The following CDKL2 variants were observed in gnomAD, a reference collection of about 807,000 sequenced individuals.
CDKL2 encodes the protein cyclin dependent kinase like 2, also known as cyclin-dependent kinase-like 2.
Under a neutral mutation model 63.9 loss-of-function variants are expected in CDKL2, and 64 were observed. The ratio of observed to expected loss-of-function variants is 1.00; its 90% CI spans 0.82 to 1.23. The LOEUF (loss-of-function observed/expected upper bound fraction) is 1.23, where lower values mean the gene tolerates loss of function less well. CDKL2 is among the 50% of genes most tolerant of loss of function. The pLI, the probability that CDKL2 is intolerant of heterozygous loss-of-function variation, is 0.00. For missense variants in CDKL2, 656 were observed against 668.0 expected (o/e 0.98, Z 0.20); for synonymous variants, 211 against 229.2 (o/e 0.92, Z 0.72).
chr4:75,615,121 T>G (rs189129861), intron 2 of CDKL2, among the ~76,000 whole-genome samples: 63 of 151,848 alleles, frequency 4.1e-4, no homozygotes, highest in African/African-American at 1.5e-3. Context: ...GCAAAACAAT[T>G]CATTATGAAC....
intron 2 of CDKL2, among the ~76,000 whole-genome samples, chr4:75,620,327 C>T (rs1327020161): frequency 1.3e-5 from 2 of 151,986 alleles, no homozygotes; most frequent in Admixed American, 6.6e-5. Flanking sequence ...GAAACAGATA[C>T]AGAATGACTT....
At position 75,614,353 on chromosome 4, in the gene CDKL2, C is replaced by G. The variant is rs929652133; in HGVS notation, c.265G>C (p.Asp89His). The stretch of plus-strand genomic sequence containing the variant: ...CCATTTGGAAAGAGCTCCAAGTCAT[C>G]AAGAATTGTGTGGTCAACAAATTCA... ...VFEFVDHTIL[D>H]DLELFPNGLD... The change falls in exon 3 of 14, where the codon GAT (aspartate) becomes CAT (histidine). Residue 89 changes from aspartate to histidine, a missense_variant. Coordinates refer to ENST00000307465, the MANE Select transcript of CDKL2 (RefSeq NM_001330724.2). The G allele has an allele frequency of 6.2e-7, 1 of 1,611,264 alleles. No individual in the cohort carries two copies. Among genetic ancestry groups the G allele is most frequent in the Admixed American group, 1.7e-5 (1 of 59,934 alleles).
Position 75,614,466 on chromosome 4 carries a change from C to A in CDKL2, c.169-17G>T. ...CCTAAGTTGCTGTTATTAAAAAATGCAAAATAGCTGTTATTTAAAAATGCA... is the reference window on the plus strand; with the variant it reads ...CCTAAGTTGCTGTTATTAAAAAATGAAAAATAGCTGTTATTTAAAAATGCA... On this transcript the variant is annotated splice_polypyrimidine_tract_variant and intron_variant, in intron 2 of 13. Transcript: ENST00000307465. The A allele has an allele frequency of 6.7e-7, 1 of 1,495,504 alleles. No homozygotes were observed. Among genetic ancestry groups the A allele is most frequent in the Non-Finnish European group, 9.0e-7 (1 of 1,107,878 alleles). The allele number at this position is 1,495,504 out of a possible 1,614,324, so 92.6% of individuals were successfully genotyped here.
intron 3 of CDKL2, among the ~76,000 whole-genome samples, chr4:75,613,377 G>T (rs1308043140): frequency 6.6e-6 from 1 of 152,112 alleles, no homozygotes; most frequent in African/African-American, 2.4e-5. Context: ...AATTTAGGTG[G>T]CAGGTATGTA....
intron 3 of CDKL2, among the ~76,000 whole-genome samples, chr4:75,608,975 C>G (rs1560586837): frequency 7.3e-6 from 1 of 136,682 alleles, no homozygotes; most frequent in Non-Finnish European, 1.5e-5. Context: ...GCCTGGGCAA[C>G]AGAGCGAGAC....
chr4:75,624,229 CTT>C (rs1404472178), intron 2 of CDKL2, among the ~76,000 whole-genome samples: 1 of 151,908 alleles, frequency 6.6e-6, no homozygotes, highest in Non-Finnish European at 1.5e-5. Context: ...TGCATGTACT[CTT>C]ATTAATTTCA....
In CDKL2 at chr4:75,596,285, A is replaced by T; in HGVS notation, c.1378T>A (p.Ser460Thr). 6.2e-7 allele frequency: 1 copy of T among 1,612,544 alleles called. No homozygotes were observed. The highest frequency in any genetic ancestry group is 1.1e-5 in the South Asian group (1 of 91,056). The change falls in exon 10 of 14, where the codon TCC becomes ACC. Residue 460 changes from serine to threonine, a missense_variant. Physicochemically the swap from Ser to Thr is moderately conservative, Grantham distance 58. Coordinates refer to ENST00000307465, the MANE Select transcript of CDKL2 (RefSeq NM_001330724.2). Reference sequence around the variant, plus strand: ...TTAATGTTATAAATGCCTGATGGGGAATGTCTGTTCGGTTTAACAAATGGA... The same window carrying T: ...TTAATGTTATAAATGCCTGATGGGGTATGTCTGTTCGGTTTAACAAATGGA... ...SIPFVKPNRH[S>T]PSGIYNINVT...
chr4:75,582,550 C>G (rs1230259184), intron 12 of CDKL2, among the ~76,000 whole-genome samples: 3 of 151,784 alleles, frequency 2.0e-5, no homozygotes, highest in Non-Finnish European at 4.4e-5. Flanking sequence ...TGAGAAAATA[C>G]TAAATGGTCT....
At chr4:75,585,791 C>T (rs909084914) in intron 12 of CDKL2, among the ~76,000 whole-genome samples, 1 of 151,888 alleles carries the variant, frequency 6.6e-6, no homozygotes, top group Admixed American at 6.6e-5. Flanking sequence ...TTAAAACAAA[C>T]AGATATAAGA....
At chr4:75,605,804 CAA>C (rs376195956) in intron 4 of CDKL2, among the ~76,000 whole-genome samples, 170 bp from the exon 5 acceptor site, 10 of 113,848 alleles carry the variant, frequency 8.8e-5, no homozygotes, top group Non-Finnish European at 9.5e-5. Context: ...TCCCAAAATC[CAA>C]AAAAAAAAAA....
At position 75,603,804 on chromosome 4, in the gene CDKL2, T is replaced by C. The variant is rs751140513; in HGVS notation, c.795+13A>G. On this transcript the variant is annotated intron_variant, in intron 6 of 13. Transcript: ENST00000307465. ...ATTCCCTGTCATAAAGTGTAAACAA[T>C]AAGTATGATTACCTTTGCTAAATCT... is the stretch of plus-strand genomic sequence containing the variant. 2 of 1,437,438 alleles carry C rather than the reference T, an allele frequency of 1.4e-6. No homozygotes were observed. Among genetic ancestry groups the C allele is most frequent in the Admixed American group, 4.3e-5 (2 of 46,626 alleles). The allele number at this position is 1,437,438 out of a possible 1,614,324, so 89.0% of individuals were successfully genotyped here.
intron 13 of CDKL2, among the ~76,000 whole-genome samples, chr4:75,579,898 T>C (rs1728186103): frequency 1.3e-5 from 2 of 152,204 alleles, no homozygotes; most frequent in Non-Finnish European, 2.9e-5. Context: ...AACTTAAGCT[T>C]TGTTCACTTC....
intron 2 of CDKL2, among the ~76,000 whole-genome samples, 157 bp from the exon 3 acceptor site, chr4:75,614,606 A>G (rs1729848321): frequency 6.6e-6 from 1 of 152,190 alleles, no homozygotes; most frequent in Non-Finnish European, 1.5e-5. Flanking sequence ...GTAAAAGCAT[A>G]TTCTGGTTTT....
chr4:75,614,131 A>G, intron 3 of CDKL2, 124 bp downstream of exon 3: 1 of 585,148 alleles, frequency 1.7e-6, no homozygotes. Context: ...GCACAGATGA[A>G]GTATTTAGTG....
chr4:75,614,990 A>C lies in CDKL2; in HGVS notation c.169-541T>G, dbSNP rs1275312608. 3.4e-5 allele frequency among the ~76,000 whole-genome samples: 4 copies of C among 116,040 alleles called. No individual in the cohort carries two copies. In the East Asian group the frequency reaches 8.0e-4, roughly 23 times the overall value. The allele number at this position is 116,040 out of a possible 152,430, so 76.1% of individuals were successfully genotyped here. On this transcript the variant is annotated intron_variant, in intron 2 of 13. Coordinates refer to ENST00000307465, the MANE Select transcript of CDKL2 (RefSeq NM_001330724.2). ...TATATATGAAATAAGGCTCATAGAC[A>C]GCAGTGAAAACATCCCTAGAACTGA... is the stretch of plus-strand genomic sequence containing the variant.
chr4:75,591,878 A>G lies in CDKL2; in HGVS notation c.1588T>C (p.Ser530Pro). ...TKKESKILSE[S>P]RIPSLAAIDL... ...ATAGCAGCCAGAGAAGGAATTCGAG[A>G]TTCTGAAAGAATTTTGCTCTCTTTC... Residue 530 changes from serine to proline, a missense_variant, in exon 12 of 14, where the codon TCT becomes CCT. By Grantham distance (74) the Ser-to-Pro change is moderately conservative. Transcript: ENST00000307465. 1 of 1,536,032 alleles carries G rather than the reference A, an allele frequency of 6.5e-7. No individual in the cohort carries two copies. Among genetic ancestry groups the G allele is most frequent in the Non-Finnish European group, 8.7e-7 (1 of 1,146,880 alleles).
chr4:75,586,227 C>CTTTTTTTTTTTTTTTTTTTT (rs61087984), intron 12 of CDKL2, among the ~76,000 whole-genome samples: 1 of 145,232 alleles, frequency 6.9e-6, no homozygotes, highest in Non-Finnish European at 1.5e-5. Flanking sequence ...ACTAACCTTT[C>CTTTTTTTTTTTTTTTTTTTT]TTTTTTTTTT....
chr4:75,600,429 TA>T, intron 6 of CDKL2, 60 bp from the exon 7 acceptor site: 1 of 1,078,914 alleles, frequency 9.3e-7, no homozygotes, highest in Non-Finnish European at 1.4e-6. Flanking sequence ...TTTAAATTTA[TA>T]AATATAGAAA....
chr4:75,591,770 TAAGA>T (rs1728723501), intron 12 of CDKL2, 45 bp downstream of exon 12: 1 of 1,242,816 alleles, frequency 8.0e-7, no homozygotes, highest in African/African-American at 1.5e-5. Flanking sequence ...TACTAGTAAG[TAAGA>T]GAGAGACCCG....
Sources: gnomAD v4.1 joint callset for allele counts (sites outside exome capture counted in the v4.1 genomes callset) on GRCh38, gnomAD v4.1.1 for gene constraint, MANE v1.5 for transcripts, NCBI Gene and HGNC (gene_info 2026-07-23, HGNC 2026-07-21) for gene names.